The following RIMS1 variants were observed in gnomAD, a reference collection of about 807,000 sequenced individuals.
The protein encoded by RIMS1 is regulating synaptic membrane exocytosis protein 1.
A neutral mutation model predicts 214.1 loss-of-function variants in RIMS1; 83 were observed. The ratio of observed to expected loss-of-function variants is 0.39; its 90% CI spans 0.32 to 0.47. RIMS1 has a LOEUF of 0.47. Among genes scored for constraint, RIMS1 ranks in the 20% least tolerant of loss-of-function variants. The pLI, the probability that RIMS1 is intolerant of heterozygous loss-of-function variation, is 0.99. For missense variants in RIMS1, 2,050 were observed against 2,161.8 expected (o/e 0.95, Z 1.03); for synonymous variants, 793 against 786.8 (o/e 1.01, Z -0.13).
intron 1 of RIMS1, among the ~76,000 whole-genome samples, chr6:71,952,292 A>G (rs1186937487): frequency 6.6e-6 from 1 of 152,194 alleles, no homozygotes; most frequent in Non-Finnish European, 1.5e-5. Flanking sequence ...TGCTAAATAT[A>G]GTCATTATCT....
intron 2 of RIMS1, among the ~76,000 whole-genome samples, chr6:72,037,223 T>G (rs1258053058): frequency 6.6e-6 from 1 of 151,872 alleles, no homozygotes; most frequent in Non-Finnish European, 1.5e-5. Flanking sequence ...TGGGTGGGTG[T>G]TCAGGGAGCA....
chr6:71,901,638 A>G (rs1395883166), intron 1 of RIMS1, among the ~76,000 whole-genome samples: 1 of 152,034 alleles, frequency 6.6e-6, no homozygotes, highest in Non-Finnish European at 1.5e-5. Context: ...ACTGGCTGGA[A>G]AGGGGTAGGA....
intron 4 of RIMS1, among the ~76,000 whole-genome samples, chr6:72,161,027 T>TG (rs2045321240): frequency 7.1e-6 from 1 of 140,050 alleles, no homozygotes; most frequent in Non-Finnish European, 1.6e-5. Context: ...CTTTTTTTTT[T>TG]GGTTGGTAGG....
intron 29 of RIMS1, among the ~76,000 whole-genome samples, chr6:72,385,040 A>G (rs1210547582): frequency 6.6e-6 from 1 of 152,300 alleles, no homozygotes; most frequent in East Asian, 1.9e-4. Context: ...TTGCCCCCAG[A>G]CATTTTGGAT....
intron 4 of RIMS1, among the ~76,000 whole-genome samples, chr6:72,109,060 A>G (rs1297661092): frequency 2.0e-5 from 3 of 151,996 alleles, no homozygotes; most frequent in South Asian, 2.1e-4. Context: ...ATAGTATTCC[A>G]TGATGTATAT....
At chr6:72,109,928 A>C (rs1587201465) in intron 4 of RIMS1, among the ~76,000 whole-genome samples, 1 of 152,134 alleles carries the variant, frequency 6.6e-6, no homozygotes, top group Non-Finnish European at 1.5e-5. Flanking sequence ...ATGGCTAGCC[A>C]GTTTTCCCAG....
chr6:72,261,743 G>A (rs1356537013), intron 19 of RIMS1: 1 of 985,230 alleles, frequency 1.0e-6, no homozygotes, highest in Non-Finnish European at 1.2e-6. Flanking sequence ...GCCCAATAAT[G>A]CAAACAAAAT....
At chr6:72,049,262 T>C (rs997414701) in intron 2 of RIMS1, among the ~76,000 whole-genome samples, 8 of 152,092 alleles carry the variant, frequency 5.3e-5, no homozygotes, top group Non-Finnish European at 8.8e-5. Flanking sequence ...AAACAAGTTT[T>C]TTTTTTTCCT....
rs376334205 is a variant in RIMS1 at position 72,351,194 on chromosome 6, T to TA, written c.4366+17371dup. Among the ~76,000 whole-genome samples the TA allele has an allele frequency of 1.6e-3, 233 of 145,586 alleles. 1 individual carries two copies. Among genetic ancestry groups the TA allele is most frequent in the East Asian group, 8.9e-3 (45 of 5,034 alleles). ...GTATCCTACTCACCTCCCCAAGATGTAAAAAAAAAAAATGCCATTAGCTCT... is the reference window on the plus strand; with the variant it reads ...GTATCCTACTCACCTCCCCAAGATGTAAAAAAAAAAAAATGCCATTAGCTCT... On this transcript the variant is annotated intron_variant, in intron 29 of 33. Coordinates refer to ENST00000521978, the MANE Select transcript of RIMS1 (RefSeq NM_014989.7).
At chr6:72,288,876 A>T (rs975069502) in intron 24 of RIMS1, among the ~76,000 whole-genome samples, 21 of 136,772 alleles carry the variant, frequency 1.5e-4, no homozygotes, top group African/African-American at 5.3e-4. Flanking sequence ...GGGACTTTTC[A>T]TGTCAAAGAA....
chr6:72,297,557 A>C (rs1341806929), intron 26 of RIMS1, among the ~76,000 whole-genome samples: 2 of 152,128 alleles, frequency 1.3e-5, no homozygotes, highest in African/African-American at 4.8e-5. Context: ...TGTGCAGAAC[A>C]TGTCAGTTTG....
At chr6:72,303,621 TCCAG>T (rs1563803467) in intron 26 of RIMS1, among the ~76,000 whole-genome samples, 18 of 151,566 alleles carry the variant, frequency 1.2e-4, no homozygotes, top group Admixed American at 2.6e-4. Context: ...AAAAATAAGT[TCCAG>T]TTTTATACTT....
intron 2 of RIMS1, among the ~76,000 whole-genome samples, chr6:72,091,841 A>G (rs1024757750): frequency 2.0e-5 from 3 of 152,214 alleles, no homozygotes; most frequent in African/African-American, 7.2e-5. Context: ...TATTTTGTTA[A>G]CCTCACTAGT....
intron 4 of RIMS1, among the ~76,000 whole-genome samples, chr6:72,170,181 A>G (rs144265075): frequency 1.0e-4 from 15 of 148,200 alleles, no homozygotes; most frequent in African/African-American, 3.0e-4. Context: ...TGCATAGCTT[A>G]CTCTTACTCA....
chr6:72,244,605 T>C (rs1483428290), intron 10 of RIMS1, among the ~76,000 whole-genome samples: 2 of 151,830 alleles, frequency 1.3e-5, no homozygotes, highest in Non-Finnish European at 3.0e-5. Context: ...GAATATATAG[T>C]TTTTTCTGTG....
intron 1 of RIMS1, among the ~76,000 whole-genome samples, chr6:71,899,713 AT>A (rs370691821): frequency 6.6e-6 from 1 of 152,160 alleles, no homozygotes; most frequent in Non-Finnish European, 1.5e-5. Flanking sequence ...GGCAGTGGCT[AT>A]TCTGGAAGAA....
At chr6:72,088,114 A>T (rs767578339) in intron 2 of RIMS1, among the ~76,000 whole-genome samples, 3 of 152,106 alleles carry the variant, frequency 2.0e-5, no homozygotes, top group Non-Finnish European at 4.4e-5. Flanking sequence ...TAAACTGCTG[A>T]TTTATTTGGA....
intron 6 of RIMS1, among the ~76,000 whole-genome samples, chr6:72,212,332 T>C (rs142126348): frequency 6.6e-6 from 1 of 150,930 alleles, no homozygotes; most frequent in African/African-American, 2.4e-5. Flanking sequence ...ATATAATATA[T>C]AATATATTCA....
At chr6:72,318,485 C>T (rs1345179153) in intron 28 of RIMS1, among the ~76,000 whole-genome samples, 1 of 152,026 alleles carries the variant, frequency 6.6e-6, no homozygotes, top group African/African-American at 2.4e-5. Flanking sequence ...TGCTACTATC[C>T]CTCCCCCATT....
Sources: gnomAD v4.1 joint callset for allele counts (sites outside exome capture counted in the v4.1 genomes callset) on GRCh38, gnomAD v4.1.1 for gene constraint, MANE v1.5 for transcripts, NCBI Gene and HGNC (gene_info 2026-07-23, HGNC 2026-07-21) for gene names.